Variants in OPCML observed in about 807,000 individuals in gnomAD.
OPCML encodes opioid binding protein/cell adhesion molecule like, also known as opioid-binding protein/cell adhesion molecule.
OPCML carries 13 observed loss-of-function variants against 37.8 expected under a neutral mutation model. The ratio of observed to expected loss-of-function variants is 0.34; its 90% CI spans 0.22 to 0.55. The LOEUF is 0.55. Among genes scored for constraint, OPCML ranks in the 20% least tolerant of loss-of-function variants. The pLI, the probability that OPCML is intolerant of heterozygous loss-of-function variation, is 0.91. For synonymous variants in OPCML, 176 were observed against 168.8 expected (o/e 1.04, Z -0.33); for missense variants, 341 against 435.6 (o/e 0.78, Z 1.93).
intron 1 of OPCML, among the ~76,000 whole-genome samples, chr11:133,034,978 C>T (rs575848083): frequency 3.9e-5 from 6 of 152,242 alleles, no homozygotes; most frequent in African/African-American, 1.2e-4. Flanking sequence ...TCAGCCTCTC[C>T]GTCCTCTTAG....
At chr11:133,185,700 C>A (rs1270440775) in intron 1 of OPCML, among the ~76,000 whole-genome samples, 1 of 151,612 alleles carries the variant, frequency 6.6e-6, no homozygotes, top group African/African-American at 2.4e-5. Context: ...TATTTGAGAA[C>A]AAAAAAAACA....
At chr11:133,148,650 G>A (rs1949932078) in intron 1 of OPCML, among the ~76,000 whole-genome samples, 1 of 152,200 alleles carries the variant, frequency 6.6e-6, no homozygotes, top group Non-Finnish European at 1.5e-5. Context: ...AAACATCCAT[G>A]CGCACTTCAG....
chr11:133,046,048 G>A (rs1050597570), intron 1 of OPCML, among the ~76,000 whole-genome samples: 13 of 152,244 alleles, frequency 8.5e-5, no homozygotes, highest in Admixed American at 1.3e-4. Context: ...CATGAGTTGC[G>A]ACTGAAAGCT....
intron 1 of OPCML, among the ~76,000 whole-genome samples, chr11:133,106,007 G>C (rs1269093926): frequency 8.6e-6 from 1 of 115,854 alleles, no homozygotes; most frequent in African/African-American, 3.3e-5. Context: ...AAGAAAAAAA[G>C]AATACTTTTG....
At chr11:133,064,642 G>C (rs1447173455) in intron 1 of OPCML, 1 of 152,360 alleles carries the variant, frequency 6.6e-6, no homozygotes, top group Non-Finnish European at 1.5e-5. Flanking sequence ...AAGGATCCGG[G>C]AATGGGACTT....
intron 1 of OPCML, among the ~76,000 whole-genome samples, chr11:132,991,150 C>T (rs1565385273): frequency 1.3e-5 from 2 of 152,170 alleles, no homozygotes; most frequent in African/African-American, 4.8e-5. Flanking sequence ...CCTGCCAAAG[C>T]GTCACACAAG....
chr11:133,499,444 T>A (rs1309506304), intron 1 of OPCML, among the ~76,000 whole-genome samples: 2 of 152,156 alleles, frequency 1.3e-5, no homozygotes, highest in South Asian at 2.1e-4. Context: ...ATGCTAATGA[T>A]CCCTGGCCTC....
intron 2 of OPCML, among the ~76,000 whole-genome samples, chr11:132,934,857 C>T (rs1221999895): frequency 2.0e-5 from 3 of 151,972 alleles, no homozygotes; most frequent in Non-Finnish European, 4.4e-5. Context: ...AATACAAAAG[C>T]GGCTGGGTGC....
chr11:132,480,450 A>G (rs1013157571), intron 4 of OPCML, among the ~76,000 whole-genome samples: 8 of 152,236 alleles, frequency 5.3e-5, no homozygotes, highest in African/African-American at 1.9e-4. Flanking sequence ...ACTATGCAGG[A>G]TATTCTCCAG....
intron 1 of OPCML, among the ~76,000 whole-genome samples, chr11:133,413,217 G>A (rs771805193): frequency 3.3e-5 from 5 of 151,924 alleles, no homozygotes; most frequent in Non-Finnish European, 5.9e-5. Flanking sequence ...GAAGCCGGGA[G>A]ACCGAGGGGT....
intron 1 of OPCML, among the ~76,000 whole-genome samples, chr11:133,511,269 A>G (rs1359076738): frequency 2.6e-5 from 4 of 152,158 alleles, no homozygotes; most frequent in Admixed American, 2.6e-4. Flanking sequence ...TCTAAGCTTT[A>G]GCAACCAGAA....
At chr11:132,487,079 A>G (rs2096202233) in intron 4 of OPCML, among the ~76,000 whole-genome samples, 1 of 152,182 alleles carries the variant, frequency 6.6e-6, no homozygotes, top group African/African-American at 2.4e-5. Context: ...TTTGAGAAAA[A>G]TCTTGAGACA....
chr11:133,110,613 G>A (rs538524380), intron 1 of OPCML, among the ~76,000 whole-genome samples: 24 of 152,286 alleles, frequency 1.6e-4, no homozygotes, highest in Middle Eastern at 3.4e-3. Flanking sequence ...GATGTTTTAC[G>A]TGACTGGGAG....
intron 1 of OPCML, among the ~76,000 whole-genome samples, chr11:133,273,316 C>T (rs2136486489): frequency 6.6e-6 from 1 of 152,166 alleles, no homozygotes; most frequent in East Asian, 2.0e-4. Context: ...AAAGCGACCC[C>T]TGTGAGCCAG....
intron 1 of OPCML, chr11:133,065,100 A>C (rs997352182): frequency 6.6e-6 from 1 of 152,094 alleles, no homozygotes; most frequent in Non-Finnish European, 1.5e-5. Flanking sequence ...CTGGTGCTTG[A>C]AGCCCCAGGA....
chr11:133,499,940 C>T (rs535465197), intron 1 of OPCML, among the ~76,000 whole-genome samples: 267 of 144,048 alleles, frequency 1.9e-3, no homozygotes, highest in Non-Finnish European at 3.7e-3. Context: ...GGTGAGATCT[C>T]GGCTCACTGC....
At chr11:133,018,461 A>G (rs1286479380) in intron 1 of OPCML, among the ~76,000 whole-genome samples, 2 of 152,026 alleles carry the variant, frequency 1.3e-5, no homozygotes, top group Non-Finnish European at 2.9e-5. Context: ...AACAGGTACA[A>G]CACCCCCAGA....
At chr11:132,519,410 A>G (rs657974) in intron 4 of OPCML, among the ~76,000 whole-genome samples, 63,617 of 151,798 alleles carry the variant, frequency 0.42, 15,050 homozygotes, top group Non-Finnish European at 0.54. Flanking sequence ...TTGCTCTGCC[A>G]TCCTCCCGCT....
intron 2 of OPCML, among the ~76,000 whole-genome samples, chr11:132,783,872 A>T (rs1234522081): frequency 6.6e-6 from 1 of 152,176 alleles, no homozygotes; most frequent in Non-Finnish European, 1.5e-5. Context: ...CCTATTTAGC[A>T]ACTACTTTGG....
Sources: gnomAD v4.1 joint callset for allele counts (sites outside exome capture counted in the v4.1 genomes callset) on GRCh38, gnomAD v4.1.1 for gene constraint, MANE v1.5 for transcripts, NCBI Gene and HGNC (gene_info 2026-07-23, HGNC 2026-07-21) for gene names.